CLCN3: variants seen among roughly 807,000 people sequenced by gnomAD.
CLCN3 encodes Cl-/H+ antiporter 3, also known as H(+)/Cl(-) exchange transporter 3.
Under a neutral mutation model 83.4 loss-of-function variants are expected in CLCN3, and 16 were observed. The ratio of observed to expected loss-of-function variants is 0.19; its 90% CI spans 0.13 to 0.29. The LOEUF (loss-of-function observed/expected upper bound fraction) is 0.29. Among genes scored for constraint, CLCN3 ranks in the 10% least tolerant of loss-of-function variants. CLCN3 has a pLI of 1.00. For synonymous variants in CLCN3, 322 were observed against 346.2 expected, an observed-to-expected ratio of 0.93 and a Z score of 0.78; for missense variants, 544 against 1,006.0, an observed-to-expected ratio of 0.54 and a Z score of 6.21.
At chr4:169,708,875 G>C (rs994127647) in intron 11 of CLCN3, among the ~76,000 whole-genome samples, 3 of 151,114 alleles carry the variant, frequency 2.0e-5, no homozygotes, top group Non-Finnish European at 4.4e-5. Flanking sequence ...GTTTTACCGT[G>C]TATGTTTTTG....
intron 9 of CLCN3, 30 bp from the exon 10 acceptor site, chr4:169,703,968 G>T: frequency 6.2e-7 from 1 of 1,602,258 alleles, no homozygotes; most frequent in Non-Finnish European, 8.5e-7. Flanking sequence ...GAGGATCTCT[G>T]CTCCATAAAG....
rs552870403 is a variant in CLCN3 at position 169,670,417 on chromosome 4, G to A, written c.161-9633G>A. Among the ~76,000 whole-genome samples, 235 of 152,286 alleles carry A rather than the reference G, an allele frequency of 1.5e-3. 1 individual carries two copies. Among genetic ancestry groups the A allele is most frequent in the Non-Finnish European group, 2.5e-3 (170 of 68,018 alleles). ...TTTTTGTCAAGTTTGCTGAAGATCA[G>A]ATGATTGTAGATGTGTGGTGTTATT... On this transcript the variant is annotated intron_variant, in intron 2 of 12. Transcript: ENST00000513761.
intron 8 of CLCN3, among the ~76,000 whole-genome samples, chr4:169,696,330 C>T (rs2150254769): frequency 6.6e-6 from 1 of 152,220 alleles, no homozygotes; most frequent in African/African-American, 2.4e-5. Flanking sequence ...TTAGTGACTT[C>T]AGTGGATTAT....
At chr4:169,685,532 C>T (rs1732121956) in intron 3 of CLCN3, among the ~76,000 whole-genome samples, 1 of 152,096 alleles carries the variant, frequency 6.6e-6, no homozygotes, top group Non-Finnish European at 1.5e-5. Flanking sequence ...AAATATATCT[C>T]ATTCTTTTTA....
intron 2 of CLCN3, among the ~76,000 whole-genome samples, chr4:169,637,445 G>T (rs1273984073): frequency 1.3e-5 from 2 of 151,994 alleles, no homozygotes; most frequent in Non-Finnish European, 2.9e-5. Context: ...TCGAGGCCAG[G>T]AGTTTGAGAC....
chr4:169,693,192 C>T (rs567717637), intron 7 of CLCN3, among the ~76,000 whole-genome samples: 1 of 152,266 alleles, frequency 6.6e-6, no homozygotes, highest in African/African-American at 2.4e-5. Context: ...ACTGTTTAAT[C>T]TTCAATTGAA....
intron 4 of CLCN3, 92 bp downstream of exon 4, chr4:169,687,849 G>A: frequency 1.6e-6 from 1 of 613,540 alleles, no homozygotes; most frequent in Non-Finnish European, 2.7e-6. Context: ...AGGTACCATT[G>A]GATTTTAAAA....
chr4:169,697,838 T>C, intron 9 of CLCN3, 104 bp downstream of exon 9: 2 of 755,872 alleles, frequency 2.6e-6, no homozygotes, highest in East Asian at 5.0e-5. Context: ...AAAAAGTACT[T>C]ATCTTTTGAG....
intron 7 of CLCN3, among the ~76,000 whole-genome samples, chr4:169,694,990 G>C (rs967403442): frequency 6.6e-6 from 1 of 152,192 alleles, no homozygotes; most frequent in Admixed American, 6.5e-5. Context: ...GGACACGGAA[G>C]AGTGTCCTTG....
At chr4:169,679,852 C>A (rs1399972459) in intron 2 of CLCN3, among the ~76,000 whole-genome samples, 198 bp from the exon 3 acceptor site, 1 of 152,016 alleles carries the variant, frequency 6.6e-6, no homozygotes, top group Non-Finnish European at 1.5e-5. Context: ...ACAGTCCAGC[C>A]TTGGCAACAG....
Position 169,620,975 on chromosome 4 carries a change from G to A in CLCN3, c.-105G>A, listed in dbSNP as rs772874506. 5.0e-5 allele frequency: 20 copies of A among 398,238 alleles called. No homozygotes were observed. Among genetic ancestry groups the A allele is most frequent in the Non-Finnish European group, 7.5e-5 (17 of 226,016 alleles). The allele number at this position is 398,238 out of a possible 1,614,324, so 24.7% of individuals were successfully genotyped here. On this transcript the variant is annotated 5_prime_UTR_variant, in exon 1 of 13. Transcript: ENST00000513761. ...GGCTTTCTTCGGTGGAGCTCCGAGG[G>A]TAGCTAGGTTCTAGGTTTGAAACAG...
chr4:169,654,718 A>G (rs2150214853), intron 2 of CLCN3, among the ~76,000 whole-genome samples: 1 of 152,310 alleles, frequency 6.6e-6, no homozygotes, highest in East Asian at 1.9e-4. Flanking sequence ...GGGAATATGC[A>G]TTATGTAATT....
intron 12 of CLCN3, among the ~76,000 whole-genome samples, chr4:169,717,328 G>C (rs1334716370): frequency 6.6e-6 from 1 of 152,064 alleles, no homozygotes; most frequent in Non-Finnish European, 1.5e-5. Flanking sequence ...GAGTTTTTAA[G>C]TCTCCTCACA....
chr4:169,672,767 G>A (rs1268552406), intron 2 of CLCN3, among the ~76,000 whole-genome samples: 4 of 152,126 alleles, frequency 2.6e-5, no homozygotes, highest in Middle Eastern at 3.4e-3. Flanking sequence ...GCATTCAAGC[G>A]ATTCTCCTGC....
chr4:169,646,172 A>G lies in CLCN3; in HGVS notation c.160+10084A>G, dbSNP rs2150209331. Among the ~76,000 whole-genome samples, 2 of 152,314 alleles carry G rather than the reference A, an allele frequency of 1.3e-5. 1 individual carries two copies. On this transcript the variant is annotated intron_variant, in intron 2 of 12. Coordinates refer to ENST00000513761, the MANE Select transcript of CLCN3 (RefSeq NM_001829.4). Reference sequence around the variant, plus strand: ...CTTCCTTCTTACAAATGTCTAATATATTGGCATGCATAGAGTAGGAGCTCG... The same window carrying G: ...CTTCCTTCTTACAAATGTCTAATATGTTGGCATGCATAGAGTAGGAGCTCG...
intron 12 of CLCN3, chr4:169,717,838 G>T (rs766664000): frequency 1.2e-6 from 2 of 1,613,050 alleles, no homozygotes; most frequent in South Asian, 2.2e-5. Flanking sequence ...AGAGCATCTC[G>T]AGCAACTAAA....
chr4:169,695,602 C>A lies in CLCN3; in HGVS notation c.937-10C>A, dbSNP rs766063724. 3 of 1,595,938 alleles carry A rather than the reference C, an allele frequency of 1.9e-6. No individual in the cohort carries two copies. Among genetic ancestry groups the A allele is most frequent in the African/African-American group, 2.7e-5 (2 of 74,388 alleles). The stretch of plus-strand genomic sequence containing the variant: ...ATGAAATTATGAAATAAGCCATATC[C>A]TCTTTCTAGGTGCTATCAGCTGCCT... On this transcript the variant is annotated splice_polypyrimidine_tract_variant and intron_variant, in intron 7 of 12. Transcript: ENST00000513761.
chr4:169,625,525 G>A (rs1156282976), intron 1 of CLCN3, among the ~76,000 whole-genome samples: 1 of 150,972 alleles, frequency 6.6e-6, no homozygotes, highest in East Asian at 1.9e-4. Context: ...TTGGGGCTCA[G>A]GTCAGTGTAA....
chr4:169,717,721 TTTATCA>T, intron 12 of CLCN3: 2 of 980,122 alleles, frequency 2.0e-6, no homozygotes, highest in Non-Finnish European at 3.2e-6. Flanking sequence ...TCTCTCATTC[TTTATCA>T]TTATGATTGG....
Sources: allele counts gnomAD v4.1 joint callset (sites outside exome capture counted in the v4.1 genomes callset), GRCh38; gene constraint gnomAD v4.1.1; transcripts MANE v1.5; gene names NCBI Gene and HGNC (gene_info 2026-07-23, HGNC 2026-07-21).